Variants in KCNH7 observed in about 807,000 individuals in gnomAD.
KCNH7 encodes the protein voltage-gated inwardly rectifying potassium channel KCNH7.
Under a neutral mutation model 120.8 loss-of-function variants are expected in KCNH7, and 49 were observed. That is an observed-to-expected ratio of 0.41 (90% CI 0.32 to 0.51). KCNH7 has a LOEUF of 0.51. KCNH7 is among the 20% of genes least tolerant of loss of function. KCNH7 has a pLI of 0.38. For synonymous variants in KCNH7, 547 were observed against 516.1 expected, an observed-to-expected ratio of 1.06 and a Z score of -0.81; for missense variants, 1,097 against 1,446.6, an observed-to-expected ratio of 0.76 and a Z score of 3.92.
chr2:162,708,961 ATCTT>A (rs1686819733), intron 2 of KCNH7, among the ~76,000 whole-genome samples: 1 of 152,094 alleles, frequency 6.6e-6, no homozygotes, highest in Non-Finnish European at 1.5e-5. Flanking sequence ...GATTGCTCTT[ATCTT>A]GTTAGTGCTA....
chr2:162,493,972 A>G (rs879147491), intron 6 of KCNH7, among the ~76,000 whole-genome samples: 2 of 152,230 alleles, frequency 1.3e-5, no homozygotes, highest in Admixed American at 1.3e-4. Flanking sequence ...GTTTTTCCAT[A>G]AACTGAGTAT....
chr2:162,555,779 A>G (rs1349955837), intron 2 of KCNH7, among the ~76,000 whole-genome samples: 1 of 152,106 alleles, frequency 6.6e-6, no homozygotes, highest in Non-Finnish European at 1.5e-5. Flanking sequence ...TAGTGTCTAT[A>G]AAGATTTAGA....
chr2:162,828,562 AT>A (rs1362753361), intron 2 of KCNH7, among the ~76,000 whole-genome samples: 4 of 152,172 alleles, frequency 2.6e-5, no homozygotes, highest in Admixed American at 6.5e-5. Flanking sequence ...AGAATGATAC[AT>A]AAAAACACTC....
At chr2:162,479,950 A>G (rs1275934223) in intron 6 of KCNH7, among the ~76,000 whole-genome samples, 1 of 152,096 alleles carries the variant, frequency 6.6e-6, no homozygotes, top group Non-Finnish European at 1.5e-5. Context: ...GTCATCTTAG[A>G]TTTCATTTGA....
intron 6 of KCNH7, among the ~76,000 whole-genome samples, chr2:162,477,602 CA>C (rs1240396269): frequency 3.3e-5 from 5 of 152,202 alleles, no homozygotes; most frequent in Non-Finnish European, 5.9e-5. Flanking sequence ...CACTGATACA[CA>C]CAAGAAGCAA....
chr2:162,589,275 T>C (rs1694123030), intron 2 of KCNH7, among the ~76,000 whole-genome samples: 1 of 151,936 alleles, frequency 6.6e-6, no homozygotes, highest in Non-Finnish European at 1.5e-5. Context: ...TCCTCACTAT[T>C]TACTGAACAA....
chr2:162,671,141 C>T (rs1002561346), intron 2 of KCNH7, among the ~76,000 whole-genome samples: 2 of 152,082 alleles, frequency 1.3e-5, no homozygotes, highest in Admixed American at 6.6e-5. Flanking sequence ...TAAATTAGTT[C>T]ATCTATGGAA....
intron 2 of KCNH7, among the ~76,000 whole-genome samples, chr2:162,602,897 G>GGAGGAGGAGGAGGAGGAGGGT: frequency 1.4e-5 from 2 of 142,988 alleles, no homozygotes; most frequent in Non-Finnish European, 3.1e-5. Context: ...AAAAATGTGA[G>GGAGGAGGAGGAGGAGGAGGGT]GAGGAGGAGG....
chr2:162,701,433 A>G (rs181277913), intron 2 of KCNH7, among the ~76,000 whole-genome samples: 10 of 152,246 alleles, frequency 6.6e-5, no homozygotes, highest in African/African-American at 2.4e-4. Context: ...CACTGTCAAA[A>G]ATTTATCTCA....
At chr2:162,492,582 G>A (rs773945760) in intron 6 of KCNH7, among the ~76,000 whole-genome samples, 13 of 152,096 alleles carry the variant, frequency 8.5e-5, no homozygotes, top group Non-Finnish European at 1.9e-4. Flanking sequence ...TACCTATAAA[G>A]ATTCCAGATT....
chr2:162,647,368 G>T (rs1393124077), intron 2 of KCNH7, among the ~76,000 whole-genome samples: 1 of 152,068 alleles, frequency 6.6e-6, no homozygotes, highest in East Asian at 1.9e-4. Flanking sequence ...TACATATGAG[G>T]CTTTCACAGT....
At chr2:162,597,792 C>T (rs1360383297) in intron 2 of KCNH7, among the ~76,000 whole-genome samples, 1 of 152,070 alleles carries the variant, frequency 6.6e-6, no homozygotes, top group Non-Finnish European at 1.5e-5. Context: ...TGCACTGGAA[C>T]ATTTCATTGT....
intron 2 of KCNH7, among the ~76,000 whole-genome samples, chr2:162,643,071 T>C (rs1376942358): frequency 6.6e-6 from 1 of 152,202 alleles, no homozygotes; most frequent in East Asian, 1.9e-4. Context: ...GCCCAAGCTA[T>C]TACTTAGAGA....
At chr2:162,754,003 G>A (rs1475487894) in intron 2 of KCNH7, among the ~76,000 whole-genome samples, 2 of 151,818 alleles carry the variant, frequency 1.3e-5, no homozygotes, top group African/African-American at 4.8e-5. Context: ...TATGAATTAT[G>A]AATATAAAAG....
intron 2 of KCNH7, among the ~76,000 whole-genome samples, chr2:162,604,418 T>A (rs181925400): frequency 6.6e-6 from 1 of 152,228 alleles, no homozygotes; most frequent in Admixed American, 6.6e-5. Flanking sequence ...CTATTGCCAT[T>A]CTACTTAGGT....
At chr2:162,528,250 G>A (rs956350358) in intron 3 of KCNH7, 1 of 151,976 alleles carries the variant, frequency 6.6e-6, no homozygotes, top group Non-Finnish European at 1.5e-5. Context: ...AGAGCTGAAG[G>A]GTTATGGGCC....
At chr2:162,724,683 A>AT (rs1687456152) in intron 2 of KCNH7, among the ~76,000 whole-genome samples, 1 of 151,566 alleles carries the variant, frequency 6.6e-6, no homozygotes. Context: ...AAAAAAAAAA[A>AT]AGAATATACT....
chr2:162,618,064 A>T (rs959569670), intron 2 of KCNH7, among the ~76,000 whole-genome samples: 1 of 151,956 alleles, frequency 6.6e-6, no homozygotes, highest in African/African-American at 2.4e-5. Context: ...TTCCAGTTAA[A>T]CCTAGCTTTA....
In KCNH7 at chr2:162,757,045, T is replaced by G. The variant is rs890214530; in HGVS notation, c.307+79492A>C. Among the ~76,000 whole-genome samples, 4 of 152,182 alleles carry G rather than the reference T, an allele frequency of 2.6e-5. No individual in the cohort carries two copies. In the East Asian group the frequency reaches 7.7e-4, roughly 29 times the overall value. On this transcript the variant is annotated intron_variant, in intron 2 of 15. Coordinates refer to ENST00000332142, the MANE Select transcript of KCNH7 (RefSeq NM_033272.4). ...CCACTGTGAAATTTACTTTCCACCA[T>G]TTGGGAGGTTACAAGGAAAAAGAAT...
Sources: gnomAD v4.1 joint callset for allele counts (sites outside exome capture counted in the v4.1 genomes callset) on GRCh38, gnomAD v4.1.1 for gene constraint, MANE v1.5 for transcripts, NCBI Gene and HGNC (gene_info 2026-07-23, HGNC 2026-07-21) for gene names.